The following EPHA6 variants were observed in gnomAD, a reference collection of about 807,000 sequenced individuals.
The protein encoded by EPHA6 is ephrin type-A receptor 6.
Under a neutral mutation model 112.0 loss-of-function variants are expected in EPHA6, and 50 were observed. That is an observed-to-expected ratio of 0.45 (90% CI 0.36 to 0.56). The LOEUF is 0.56. Among genes scored for constraint, EPHA6 ranks in the 20% least tolerant of loss-of-function variants. The probability of loss-of-function intolerance (pLI) is 0.00; values close to 1 mark genes in which losing one functional copy is unlikely to be tolerated. For synonymous variants in EPHA6, 529 were observed against 490.7 expected (o/e 1.08, Z -1.03); for missense variants, 1,280 against 1,417.4 (o/e 0.90, Z 1.56).
intron 12 of EPHA6, among the ~76,000 whole-genome samples, chr3:97,602,215 A>G (rs1045093800): frequency 1.3e-5 from 2 of 152,020 alleles, no homozygotes; most frequent in African/African-American, 4.8e-5. Context: ...ATTTATTTTT[A>G]ATGGAACCTT....
intron 6 of EPHA6, among the ~76,000 whole-genome samples, chr3:97,444,407 A>G (rs2090253278): frequency 6.6e-6 from 1 of 152,230 alleles, no homozygotes; most frequent in East Asian, 1.9e-4. Context: ...AATGATTCAT[A>G]GCAGAAGGAA....
intron 5 of EPHA6, among the ~76,000 whole-genome samples, chr3:97,344,047 C>T (rs377358535): frequency 1.5e-4 from 23 of 152,144 alleles, no homozygotes; most frequent in East Asian, 7.7e-4. Flanking sequence ...CCCATCATTA[C>T]GTTTCGGAAG....
At chr3:97,341,336 G>A (rs549435829) in intron 5 of EPHA6, among the ~76,000 whole-genome samples, 1 of 152,078 alleles carries the variant, frequency 6.6e-6, no homozygotes, top group African/African-American at 2.4e-5. Flanking sequence ...GTTATGCTAT[G>A]GTATTCTGCT....
intron 10 of EPHA6, among the ~76,000 whole-genome samples, chr3:97,514,647 A>G (rs934587305): frequency 6.6e-6 from 1 of 152,160 alleles, no homozygotes; most frequent in Admixed American, 6.6e-5. Context: ...AACTTATAGT[A>G]TGACTATGTT....
chr3:97,651,760 CAG>C (rs1448515824), intron 14 of EPHA6, among the ~76,000 whole-genome samples: 2 of 151,936 alleles, frequency 1.3e-5, no homozygotes, highest in Non-Finnish European at 2.9e-5. Context: ...GTCCAGCAAG[CAG>C]AGAGTAAAAT....
intron 15 of EPHA6, among the ~76,000 whole-genome samples, chr3:97,730,145 ATCT>A (rs2034972075): frequency 6.6e-6 from 1 of 152,122 alleles, no homozygotes; most frequent in African/African-American, 2.4e-5. Flanking sequence ...ATGTCTCAAT[ATCT>A]TCTTATTGAC....
chr3:97,175,467 G>T (rs1167735345), intron 3 of EPHA6, among the ~76,000 whole-genome samples: 7 of 151,780 alleles, frequency 4.6e-5, no homozygotes, highest in African/African-American at 1.7e-4. Flanking sequence ...TGTTAGATCT[G>T]TGGATTGTTT....
intron 5 of EPHA6, among the ~76,000 whole-genome samples, chr3:97,285,415 C>T (rs924652704): frequency 2.6e-5 from 4 of 152,118 alleles, no homozygotes; most frequent in Non-Finnish European, 5.9e-5. Flanking sequence ...TATCATTCTA[C>T]TCTCTACCTC....
In EPHA6 at chr3:97,498,603, GTT is replaced by G. The variant is rs1254278796; in HGVS notation, c.2200+14545_2200+14546del. 1.1e-3 allele frequency among the ~76,000 whole-genome samples: 166 copies of G among 152,264 alleles called. 2 individuals carry two copies. Among genetic ancestry groups the G allele is most frequent in the Non-Finnish European group, 2.2e-3 (147 of 68,024 alleles). ...TTGGCCTGGTAAGGGTCACTTGTTG[GTT>G]GATGGAACAAATGTTTATAGTACTG... On this transcript the variant is annotated intron_variant, in intron 10 of 17. Transcript: ENST00000389672.
chr3:97,675,884 G>T (rs2031329343), intron 14 of EPHA6, among the ~76,000 whole-genome samples: 1 of 152,134 alleles, frequency 6.6e-6, no homozygotes, highest in Non-Finnish European at 1.5e-5. Context: ...AATTAAAAGT[G>T]ACATGATGTT....
At chr3:97,166,570 C>T (rs902137761) in intron 3 of EPHA6, among the ~76,000 whole-genome samples, 2 of 152,010 alleles carry the variant, frequency 1.3e-5, no homozygotes, top group African/African-American at 4.8e-5. Flanking sequence ...GATATTTTAG[C>T]GTTTTTGAAG....
At chr3:97,549,527 A>G (rs1304770760) in intron 11 of EPHA6, among the ~76,000 whole-genome samples, 1 of 152,224 alleles carries the variant, frequency 6.6e-6, no homozygotes, top group Non-Finnish European at 1.5e-5. Context: ...CAAAACTTGA[A>G]GAAGGGCCTA....
intron 4 of EPHA6, among the ~76,000 whole-genome samples, chr3:97,239,394 C>T (rs2078776983): frequency 2.0e-5 from 3 of 151,790 alleles, no homozygotes; most frequent in Non-Finnish European, 4.4e-5. Flanking sequence ...CCAATCCACT[C>T]CCCACTTGCT....
chr3:96,965,885 A>T (rs2042106372), intron 2 of EPHA6, among the ~76,000 whole-genome samples: 1 of 152,114 alleles, frequency 6.6e-6, no homozygotes. Flanking sequence ...TTTGCTACTG[A>T]ACAGCCAGAA....
chr3:97,528,460 G>A (rs1198053806), intron 10 of EPHA6, among the ~76,000 whole-genome samples: 1 of 152,130 alleles, frequency 6.6e-6, no homozygotes, highest in Non-Finnish European at 1.5e-5. Context: ...AGAGACAGGA[G>A]AGGAAGGGAG....
intron 5 of EPHA6, among the ~76,000 whole-genome samples, chr3:97,257,805 T>A (rs944470619): frequency 1.3e-5 from 2 of 152,014 alleles, no homozygotes; most frequent in African/African-American, 4.8e-5. Context: ...ACTATGTCTG[T>A]GAAATGGAAT....
intron 6 of EPHA6, among the ~76,000 whole-genome samples, chr3:97,409,074 G>C (rs56709372): frequency 0.14 from 21,648 of 152,008 alleles, 4,842 homozygotes; most frequent in African/African-American, 0.47. Flanking sequence ...ATTAAGAAAT[G>C]ATGCAGCCAC....
At position 97,474,804 on chromosome 3, in the gene EPHA6, T is replaced by C. The variant is rs62262776; in HGVS notation, c.1895-548T>C. Among the ~76,000 whole-genome samples, 1,129 of 152,170 alleles carry C rather than the reference T, an allele frequency of 7.4e-3. 9 individuals carry two copies. The highest frequency in any genetic ancestry group is 0.034 in the Middle Eastern group (10 of 294). On this transcript the variant is annotated intron_variant, in intron 7 of 17. Coordinates refer to ENST00000389672, the MANE Select transcript of EPHA6 (RefSeq NM_001080448.3). The stretch of plus-strand genomic sequence containing the variant: ...TAAACATCATTTTTCCAATTATTGC[T>C]GATTAAACATCTAAGCACCCATTAT...
rs78178178 is a variant in EPHA6 at position 96,863,494 on chromosome 3, C to A, written c.386-3331C>A. On this transcript the variant is annotated intron_variant, in intron 1 of 17. Coordinates refer to ENST00000389672, the MANE Select transcript of EPHA6 (RefSeq NM_001080448.3). Reference sequence around the variant, plus strand: ...AAATATAATTCACCTGTCTGAAATGCAAATTTGGAATCTTATTTTTTTAAA... The same window carrying A: ...AAATATAATTCACCTGTCTGAAATGAAAATTTGGAATCTTATTTTTTTAAA... Among the ~76,000 whole-genome samples, 3 of 151,766 alleles carry A rather than the reference C, an allele frequency of 2.0e-5. 1 individual carries two copies. The highest frequency in any genetic ancestry group is 1.3e-4 in the Admixed American group (2 of 15,190).
Sources: allele counts gnomAD v4.1 joint callset (sites outside exome capture counted in the v4.1 genomes callset), GRCh38; gene constraint gnomAD v4.1.1; transcripts MANE v1.5; gene names NCBI Gene and HGNC (gene_info 2026-07-23, HGNC 2026-07-21).